The following RABGAP1L variants were observed in gnomAD, a reference collection of about 807,000 sequenced individuals.
RABGAP1L encodes RAB GTPase activating protein 1 like.
A neutral mutation model predicts 137.7 loss-of-function variants in RABGAP1L; 63 were observed. The ratio of observed to expected loss-of-function variants is 0.46; its 90% confidence interval spans 0.37 to 0.56. The LOEUF is 0.56. Ranked by LOEUF, RABGAP1L falls within the 20% of genes least tolerant of loss-of-function variation. The pLI is 0.00. For missense variants in RABGAP1L, 1,095 were observed against 1,244.0 expected (o/e 0.88, Z 1.80); for synonymous variants, 431 against 433.7 (o/e 0.99, Z 0.08).
chr1:174,875,498 C>T, intron 19 of RABGAP1L: 1 of 984,614 alleles, frequency 1.0e-6, no homozygotes, highest in African/African-American at 1.7e-5. Flanking sequence ...TCTTTACCTT[C>T]CACAACAGGT....
At chr1:174,754,660 C>T (rs892684742) in intron 18 of RABGAP1L, among the ~76,000 whole-genome samples, 2 of 152,038 alleles carry the variant, frequency 1.3e-5, no homozygotes, top group African/African-American at 4.8e-5. Flanking sequence ...TGCCACCATG[C>T]CCAGCTAATT....
intron 13 of RABGAP1L, among the ~76,000 whole-genome samples, chr1:174,611,826 T>A (rs1389389484): frequency 1.3e-5 from 2 of 152,232 alleles, no homozygotes; most frequent in Non-Finnish European, 2.9e-5. Flanking sequence ...CAATTGTGAA[T>A]GGGAGTTCAC....
chr1:174,622,160 T>C (rs1015509880), intron 13 of RABGAP1L, among the ~76,000 whole-genome samples: 1 of 152,084 alleles, frequency 6.6e-6, no homozygotes, highest in African/African-American at 2.4e-5. Flanking sequence ...TGAGATACCA[T>C]CTCACACCGG....
chr1:174,625,043 T>G (rs561819092), intron 13 of RABGAP1L, among the ~76,000 whole-genome samples: 4 of 152,018 alleles, frequency 2.6e-5, no homozygotes, highest in Admixed American at 6.6e-5. Context: ...GGCTAATTTT[T>G]GTATTTTTTT....
intron 13 of RABGAP1L, among the ~76,000 whole-genome samples, chr1:174,417,923 G>A (rs1042534779): frequency 6.6e-6 from 1 of 152,140 alleles, no homozygotes; most frequent in Non-Finnish European, 1.5e-5. Context: ...TCTTTTTGAT[G>A]TTTTCCACTG....
chr1:174,388,477 TAAAG>T (rs944663695), intron 12 of RABGAP1L, among the ~76,000 whole-genome samples: 15 of 151,482 alleles, frequency 9.9e-5, no homozygotes, highest in Non-Finnish European at 1.0e-4. Context: ...GCACATAAGC[TAAAG>T]AAAGAAAGGT....
At chr1:174,781,742 T>C (rs1687027066) in intron 18 of RABGAP1L, among the ~76,000 whole-genome samples, 1 of 152,214 alleles carries the variant, frequency 6.6e-6, no homozygotes, top group South Asian at 2.1e-4. Context: ...TTAATTTTTG[T>C]ATAAGGTATA....
At chr1:174,542,714 T>A (rs1032008396) in intron 13 of RABGAP1L, among the ~76,000 whole-genome samples, 1 of 152,240 alleles carries the variant, frequency 6.6e-6, no homozygotes, top group African/African-American at 2.4e-5. Flanking sequence ...CTTTCCTGTT[T>A]ACTCTTGTGG....
intron 1 of RABGAP1L, among the ~76,000 whole-genome samples, chr1:174,209,995 C>T (rs752931278): frequency 5.3e-5 from 8 of 152,184 alleles, no homozygotes; most frequent in Non-Finnish European, 7.3e-5. Context: ...TACGCAAGAC[C>T]GTCAAGGTGA....
intron 20 of RABGAP1L, among the ~76,000 whole-genome samples, chr1:174,961,868 A>G (rs1669139481): frequency 9.7e-6 from 1 of 102,778 alleles, no homozygotes; most frequent in Non-Finnish European, 2.0e-5. Context: ...AAAAAAAAAA[A>G]AGAAACGACC....
intron 13 of RABGAP1L, among the ~76,000 whole-genome samples, chr1:174,530,902 A>T (rs1664344480): frequency 6.6e-6 from 1 of 152,146 alleles, no homozygotes; most frequent in Non-Finnish European, 1.5e-5. Flanking sequence ...TTTTAACCAG[A>T]AAAAAATTTT....
intron 1 of RABGAP1L, among the ~76,000 whole-genome samples, chr1:174,165,093 G>A (rs1664792575): frequency 6.6e-6 from 1 of 152,180 alleles, no homozygotes; most frequent in South Asian, 2.1e-4. Context: ...AGAAAGTAAT[G>A]GGTGGTAAAA....
At chr1:174,956,055 A>T (rs75018600) in intron 19 of RABGAP1L, among the ~76,000 whole-genome samples, 13,790 of 152,254 alleles carry the variant, frequency 0.091, 840 homozygotes, top group East Asian at 0.22. Flanking sequence ...TACTTATTTT[A>T]AAAAAAATTT....
At chr1:174,478,199 C>T (rs1164888334) in intron 13 of RABGAP1L, among the ~76,000 whole-genome samples, 1 of 151,870 alleles carries the variant, frequency 6.6e-6, no homozygotes, top group Non-Finnish European at 1.5e-5. Flanking sequence ...CACCTTATTT[C>T]AAAGAAATTC....
chr1:174,568,470 C>G (rs756024214), intron 13 of RABGAP1L, among the ~76,000 whole-genome samples: 1 of 152,158 alleles, frequency 6.6e-6, no homozygotes, highest in African/African-American at 2.4e-5. Context: ...AACTTTCAAA[C>G]AGTGATAGCC....
intron 1 of RABGAP1L, among the ~76,000 whole-genome samples, chr1:174,176,741 A>AAAATAAATAAAAT (rs1553248318): frequency 1.8e-5 from 2 of 111,778 alleles, no homozygotes; most frequent in African/African-American, 3.6e-5. Flanking sequence ...AAAAAAAAAA[A>AAAATAAATAAAAT]AAAAAGGTCA....
At chr1:174,206,941 G>A (rs1022160117) in intron 1 of RABGAP1L, among the ~76,000 whole-genome samples, 3 of 152,092 alleles carry the variant, frequency 2.0e-5, no homozygotes, top group Admixed American at 6.6e-5. Flanking sequence ...TGTAGGTATG[G>A]GGGAGAAGTG....
rs376610674 is a variant in RABGAP1L, at chr1:174,336,121, A to G, written c.1465+30994A>G. Among the ~76,000 whole-genome samples, 10 of 152,246 alleles carry G rather than the reference A, an allele frequency of 6.6e-5. No homozygotes were observed. The East Asian group carries it at 1.3e-3, about 21-fold the overall frequency. On this transcript the variant is annotated intron_variant, in intron 11 of 25. Transcript: ENST00000681986. ...TATAGAAACAAGTTTGCAAATGAAG[A>G]TTCTTTTTTGAGACAGGGTCTTACT...
Position 174,826,294 on chromosome 1 carries a change from C to T in RABGAP1L, c.2340+14334C>T, listed in dbSNP as rs186877362. Among the ~76,000 whole-genome samples the T allele has an allele frequency of 8.6e-4, 131 of 152,086 alleles. 1 individual carries two copies. Among genetic ancestry groups the T allele is most frequent in the Admixed American group, 2.6e-3 (40 of 15,270 alleles). On this transcript the variant is annotated intron_variant, in intron 19 of 25. Transcript: ENST00000681986. Reference sequence around the variant, plus strand: ...TTGCCCAGGCTGGAGTGCAATGGTGCGATCTTCCCTCACGCCTCTCGGGTT... The same window carrying T: ...TTGCCCAGGCTGGAGTGCAATGGTGTGATCTTCCCTCACGCCTCTCGGGTT...
Sources: gnomAD v4.1 joint callset for allele counts (sites outside exome capture counted in the v4.1 genomes callset) on GRCh38, gnomAD v4.1.1 for gene constraint, MANE v1.5 for transcripts, NCBI Gene and HGNC (gene_info 2026-07-23, HGNC 2026-07-21) for gene names.